Variants in SKA3 observed in about 807,000 individuals in gnomAD.
SKA3 encodes spindle and kinetochore associated complex subunit 3.
Under a neutral mutation model 44.2 loss-of-function variants are expected in SKA3, and 39 were observed. The observed-to-expected ratio is 0.88, with a 90% CI of 0.68 to 1.15. The LOEUF is 1.15. Ranked by LOEUF, SKA3 falls within the 50% of genes most tolerant of loss-of-function variation. The pLI is 0.00. For synonymous variants in SKA3, 192 were observed against 172.0 expected (o/e 1.12, Z -0.91); for missense variants, 511 against 485.8 (o/e 1.05, Z -0.49).
rs1869932143 is a variant in SKA3, at chr13:21,153,757, T to C, written c.*1393A>G. The C allele has an allele frequency of 6.6e-6, 1 of 152,340 alleles. No homozygotes were observed. The highest frequency in any genetic ancestry group is 2.4e-5 in the African/African-American group (1 of 41,466). The allele number at this position is 152,340 out of a possible 1,614,324, so 9.4% of individuals were successfully genotyped here. A position where few individuals can be genotyped will look rare whatever the true frequency, so the allele number is the denominator to read the frequency against. On this transcript the variant is annotated 3_prime_UTR_variant, in exon 9 of 9. Coordinates refer to ENST00000314759, the MANE Select transcript of SKA3 (RefSeq NM_145061.6). ...TTGGGAGAACTCCAGGATTTGGTCC[T>C]TGGTACACTTTGAATATATTCCCTC... is the stretch of plus-strand genomic sequence containing the variant.
chr13:21,160,196 A>G (rs1161156582), intron 5 of SKA3, among the ~76,000 whole-genome samples: 3 of 152,246 alleles, frequency 2.0e-5, no homozygotes, highest in Admixed American at 6.5e-5. Context: ...AATTTGAAAA[A>G]AGATACTTTT....
At position 21,154,398 on chromosome 13, in the gene SKA3, C is replaced by G. The variant is rs1427389485; in HGVS notation, c.*752G>C. The G allele has an allele frequency of 1.3e-5, 2 of 152,630 alleles. No individual in the cohort carries two copies. The highest frequency in any genetic ancestry group is 6.5e-5 in the Admixed American group (1 of 15,286). 9.5% of individuals were successfully genotyped at this position (152,630 alleles called of 1,614,324 possible). A position where few individuals can be genotyped will look rare whatever the true frequency, so the allele number is the denominator to read the frequency against. On this transcript the variant is annotated 3_prime_UTR_variant, in exon 9 of 9. Coordinates refer to ENST00000314759, the MANE Select transcript of SKA3 (RefSeq NM_145061.6). ...GGGCCCCTGGCCCAGGATGAGCCCT[C>G]AGAACCTTTTAGAGAGAGTGAAATT...
At chr13:21,161,757 G>A (rs749411115) in intron 5 of SKA3, 33 bp downstream of exon 5, 3 of 1,124,592 alleles carry the variant, frequency 2.7e-6, no homozygotes, top group Non-Finnish European at 3.6e-6. Flanking sequence ...TGGGAAAAAT[G>A]TTCCTGAGAA....
Position 21,157,965 on chromosome 13 carries a change from G to A in SKA3, c.1076C>T (p.Pro359Leu). The change falls in exon 7 of 9, where the codon CCT (proline) becomes CTT (leucine). Residue 359 changes from proline (P) to leucine (L), a missense_variant. By Grantham distance (98) the Pro-to-Leu change is moderately conservative. Coordinates refer to ENST00000314759, the MANE Select transcript of SKA3 (RefSeq NM_145061.6). ...ISSYENLLRT[P>L]TPPEVTKIPE... ...AATTTTAGTTACTTCCGGAGGTGTA[G>A]GTGTTCTGAGCAGATTCTCATAAGA... is the stretch of plus-strand genomic sequence containing the variant. 1 of 1,612,456 alleles carries A rather than the reference G, an allele frequency of 6.2e-7. No homozygotes were observed. The highest frequency in any genetic ancestry group is 8.5e-7 in the Non-Finnish European group (1 of 1,179,046).
At chr13:21,161,617 T>G (rs1870443623) in intron 5 of SKA3, among the ~76,000 whole-genome samples, 173 bp downstream of exon 5, 1 of 152,182 alleles carries the variant, frequency 6.6e-6, no homozygotes, top group South Asian at 2.1e-4. Context: ...ACCAGAAAAT[T>G]TTCTTTCTCT....
Position 21,155,069 on chromosome 13 carries a change from C to T in SKA3, c.*81G>A. The T allele has an allele frequency of 5.0e-6, 8 of 1,599,558 alleles. No individual in the cohort carries two copies. The highest frequency in any genetic ancestry group is 6.8e-6 in the Non-Finnish European group (8 of 1,170,994). Reference sequence around the variant, plus strand: ...CGTTTAAAGGGGGACAGAGGCAGGGCAATGTGAATGTTAAAATCGGTCCAG... The same window carrying T: ...CGTTTAAAGGGGGACAGAGGCAGGGTAATGTGAATGTTAAAATCGGTCCAG... On this transcript the variant is annotated 3_prime_UTR_variant, in exon 9 of 9. Transcript: ENST00000314759.
chr13:21,167,794 A>G (rs1055732704), intron 4 of SKA3, among the ~76,000 whole-genome samples, 194 bp downstream of exon 4: 3 of 151,608 alleles, frequency 2.0e-5, no homozygotes, highest in Admixed American at 1.3e-4. Flanking sequence ...AAAAAAACCA[A>G]AAAAAAACTT....
At chr13:21,167,591 C>A (rs1310403915) in intron 4 of SKA3, among the ~76,000 whole-genome samples, 2 of 151,822 alleles carry the variant, frequency 1.3e-5, no homozygotes, top group African/African-American at 2.4e-5. Context: ...ATGGTGAAAC[C>A]CCGTCTGTAC....
At position 21,161,822 on chromosome 13, in the gene SKA3, G is replaced by A. The variant is rs773739283; in HGVS notation, c.797C>T (p.Pro266Leu). 9 of 1,612,076 alleles carry A rather than the reference G, an allele frequency of 5.6e-6. No homozygotes were observed. In the Admixed American group the frequency reaches 1.2e-4, roughly 21 times the overall value. ...SRLNDNVFAT[P>L]SPIIQQLEKS... is the part of the protein sequence containing the mutation. ...TTCCAACTGCTGGATGATGGGGCTG[G>A]GAGTGGCAAAAACATTATCATTGAG... The change falls in exon 5 of 9, where the codon CCC (proline) becomes CTC (leucine). Residue 266 changes from proline (P) to leucine (L), a missense_variant. Pro to Leu is a moderately conservative substitution (Grantham distance 98). Transcript: ENST00000314759.
At chr13:21,175,346 G>C (rs976289582) in intron 1 of SKA3, among the ~76,000 whole-genome samples, 1 of 151,002 alleles carries the variant, frequency 6.6e-6, no homozygotes, top group South Asian at 2.1e-4. Context: ...GGCGGATCTC[G>C]GCTCACTGCA....
rs376816577 is a variant in SKA3, at chr13:21,164,569, T to C, written c.744-2694A>G. ...GTTAAAACAAATATGCTTTGTACTA[T>C]TTTGATAGACAAAACTGTTTTTAAA... On this transcript the variant is annotated intron_variant, in intron 4 of 8. Transcript: ENST00000314759. Among the ~76,000 whole-genome samples the C allele has an allele frequency of 7.0e-4, 107 of 152,354 alleles. 1 individual carries two copies. The South Asian group carries it at 0.022, about 31-fold the overall frequency.
chr13:21,158,125 C>T lies in SKA3; in HGVS notation c.916G>A (p.Val306Ile), dbSNP rs764380078. The T allele has an allele frequency of 1.3e-6, 2 of 1,552,692 alleles. No individual in the cohort carries two copies. The highest frequency in any genetic ancestry group is 3.4e-5 in the Admixed American group (2 of 59,628). ...IPSTKNSIALVSTNYPLSKTN... is the reference protein window; with the variant it reads ...IPSTKNSIALISTNYPLSKTN... ...TTTGATAATGGGTAATTTGTGGATA[C>T]CTATTGAATAAAAATAGACCATTAA... The change falls in exon 7 of 9, where the codon GTA (valine) becomes ATA (isoleucine). Residue 306 changes from valine to isoleucine, a missense_variant and splice_region_variant. Transcript: ENST00000314759.
intron 4 of SKA3, among the ~76,000 whole-genome samples, chr13:21,163,205 AAAAGAAAG>A (rs59824329): frequency 3.3e-5 from 5 of 149,646 alleles, no homozygotes; most frequent in Non-Finnish European, 3.0e-5. Flanking sequence ...TCTAAAAATA[AAAAGAAAG>A]AAAGAAAGAA....
intron 4 of SKA3, among the ~76,000 whole-genome samples, chr13:21,164,920 G>A (rs994450399): frequency 1.3e-5 from 2 of 151,968 alleles, no homozygotes; most frequent in Admixed American, 6.6e-5. Context: ...AACAAATATC[G>A]TTAAGATGTC....
intron 4 of SKA3, among the ~76,000 whole-genome samples, chr13:21,164,078 T>C (rs1405643091): frequency 1.3e-5 from 2 of 152,212 alleles, no homozygotes; most frequent in African/African-American, 4.8e-5. Context: ...CTTTTGTTAA[T>C]TCATGTCTTT....
At chr13:21,172,056 T>A (rs1218475790) in intron 3 of SKA3, among the ~76,000 whole-genome samples, 2 of 152,236 alleles carry the variant, frequency 1.3e-5, no homozygotes, top group Admixed American at 1.3e-4. Flanking sequence ...TTGTAGTTTT[T>A]CATTTAAATA....
At chr13:21,160,892 GGTGGGCAGA>G (rs1327329006) in intron 5 of SKA3, among the ~76,000 whole-genome samples, 8 of 152,210 alleles carry the variant, frequency 5.3e-5, no homozygotes, top group Admixed American at 2.6e-4. Flanking sequence ...GGGAGGCCAA[GGTGGGCAGA>G]TCGCTTGAGT....
Position 21,167,977 on chromosome 13 carries a change from G to A in SKA3, c.743+11C>T. The A allele has an allele frequency of 8.8e-7, 1 of 1,137,984 alleles. No individual in the cohort carries two copies. The highest frequency in any genetic ancestry group is 1.2e-6 in the Non-Finnish European group (1 of 869,014). 70.5% of individuals were successfully genotyped at this position (1,137,984 alleles called of 1,614,324 possible). A position where few individuals can be genotyped will look rare whatever the true frequency, so the allele number is the denominator to read the frequency against. ...GCTAGATAAAATATGCCTTTTAACA[G>A]AGCTGCTTACCTTTTATTATTCCTC... On this transcript the variant is annotated intron_variant, in intron 4 of 8. Transcript: ENST00000314759.
chr13:21,166,895 G>A (rs970964231), intron 4 of SKA3, among the ~76,000 whole-genome samples: 7 of 152,036 alleles, frequency 4.6e-5, no homozygotes, highest in African/African-American at 1.7e-4. Context: ...TTTTTCCCCA[G>A]AGTTGTGGGG....
Sources: gnomAD v4.1 joint callset for allele counts (sites outside exome capture counted in the v4.1 genomes callset) on GRCh38, gnomAD v4.1.1 for gene constraint, MANE v1.5 for transcripts, NCBI Gene and HGNC (gene_info 2026-07-23, HGNC 2026-07-21) for gene names.